The following PARVB variants were observed in gnomAD, a reference collection of about 807,000 sequenced individuals.
PARVB encodes beta-parvin.
PARVB carries 46 observed loss-of-function variants against 47.0 expected under a neutral mutation model. The observed-to-expected ratio is 0.98, with a 90% CI of 0.77 to 1.25. The LOEUF (loss-of-function observed/expected upper bound fraction) is 1.25. Ranked by LOEUF, PARVB falls within the 50% of genes most tolerant of loss-of-function variation. The probability of loss-of-function intolerance (pLI) is 0.00; values close to 1 mark genes in which losing one functional copy is unlikely to be tolerated. For missense variants in PARVB, 473 were observed against 471.6 expected (o/e 1.00, Z -0.03); for synonymous variants, 196 against 196.3 (o/e 1.00, Z 0.01).
intron 2 of PARVB, among the ~76,000 whole-genome samples, chr22:44,094,960 G>C (rs754029835): frequency 6.6e-6 from 1 of 151,396 alleles, no homozygotes; most frequent in African/African-American, 2.4e-5. Context: ...GGCGTGGTAT[G>C]GTGTGGCGTG....
chr22:44,131,537 A>G lies in PARVB; in HGVS notation c.427A>G (p.Ile143Val). 6.2e-7 allele frequency: 1 copy of G among 1,614,132 alleles called. No homozygotes were observed. Among genetic ancestry groups the G allele is most frequent in the African/African-American group, 1.3e-5 (1 of 75,032 alleles). The change falls in exon 5 of 13, where the codon ATA becomes GTA. Residue 143 changes from isoleucine (I) to valine (V), a missense_variant. By Grantham distance (29) the Ile-to-Val change is conservative (BLOSUM62 3). Transcript: ENST00000338758. ...TGTGGCTGAGGTGACACAGTCCGAA[A>G]TAGGGCAGAAACAGAAGCTGCAGAC... ...LNVAEVTQSE[I>V]GQKQKLQTVL...
At chr22:44,065,698 C>G (rs541981138) in intron 1 of PARVB, among the ~76,000 whole-genome samples, 1 of 152,338 alleles carries the variant, frequency 6.6e-6, no homozygotes, top group South Asian at 2.1e-4. Context: ...TAGCTTAGCT[C>G]CTGCTTCTGA....
intron 2 of PARVB, among the ~76,000 whole-genome samples, chr22:44,094,363 T>TGCCACGCCAC (rs561536069): frequency 1.3e-5 from 2 of 151,542 alleles, no homozygotes; most frequent in African/African-American, 2.4e-5. Context: ...TGCCACGCCA[T>TGCCACGCCAC]GCCACGCCAC....
intron 1 of PARVB, among the ~76,000 whole-genome samples, chr22:44,072,090 G>A (rs1423529055): frequency 4.6e-5 from 7 of 152,230 alleles, no homozygotes; most frequent in African/African-American, 7.2e-5. Context: ...GGGTGGAAAG[G>A]ACTTTGTAAT....
chr22:44,043,369 CTTAT>C lies in PARVB; in HGVS notation c.112+18941_112+18944del, dbSNP rs752316790. On this transcript the variant is annotated intron_variant, in intron 1 of 12. Coordinates refer to ENST00000338758, the MANE Select transcript of PARVB (RefSeq NM_013327.5). Reference sequence around the variant, plus strand: ...TTACTAAAAATCATTGAATTGTACACTTATTTATTTATTTATTTATTTATTTTGA... The same window carrying C: ...TTACTAAAAATCATTGAATTGTACACTTATTTATTTATTTATTTATTTTGA... 2.7e-4 allele frequency among the ~76,000 whole-genome samples: 41 copies of C among 151,642 alleles called. 1 individual carries two copies. Among genetic ancestry groups the C allele is most frequent in the Non-Finnish European group, 5.2e-4 (35 of 67,818 alleles).
chr22:44,139,967 A>T (rs1476499815), intron 7 of PARVB, 157 bp from the exon 8 acceptor site: 15 of 356,792 alleles, frequency 4.2e-5, no homozygotes, highest in Non-Finnish European at 7.3e-5. Context: ...GCTGGAACAC[A>T]GCACCATGTG....
rs563916166 is a variant in PARVB, at chr22:44,125,164, T to A, written c.376+6024T>A. Among the ~76,000 whole-genome samples, 21 of 152,254 alleles carry A rather than the reference T, an allele frequency of 1.4e-4. No individual in the cohort carries two copies. The highest frequency in any genetic ancestry group is 5.1e-4 in the African/African-American group (21 of 41,548). Reference sequence around the variant, plus strand: ...TTGTTTGTCCTTATTCATCTGGCCCTCAGAAAGTATATTTGGAGGGAAACA... The same window carrying A: ...TTGTTTGTCCTTATTCATCTGGCCCACAGAAAGTATATTTGGAGGGAAACA... On this transcript the variant is annotated intron_variant, in intron 4 of 12. Transcript: ENST00000338758. This position sits in a 1 kb window ranked among gnomAD's most constrained non-coding sequence, Gnocchi z 4.1.
rs1044591005 is a variant in PARVB, at chr22:44,003,641, A to G, written c.211+3968A>G. Among the ~76,000 whole-genome samples the G allele has an allele frequency of 1.3e-5, 2 of 152,146 alleles. 1 individual carries two copies. Among genetic ancestry groups the G allele is most frequent in the Middle Eastern group, 6.3e-3 (2 of 316 alleles). On this transcript the variant is annotated intron_variant, in intron 2 of 13. Coordinates refer to the PARVB transcript ENST00000406477. Reference sequence around the variant, plus strand: ...GTCCTAGCCTTTCCTGTCTGTCTGAAAACTGCTCTTCCAGGGGTGGGGAGC... The same window carrying G: ...GTCCTAGCCTTTCCTGTCTGTCTGAGAACTGCTCTTCCAGGGGTGGGGAGC...
chr22:44,003,204 G>T (rs534980897), intron 2 of PARVB, among the ~76,000 whole-genome samples: 1 of 152,276 alleles, frequency 6.6e-6, no homozygotes, highest in South Asian at 2.1e-4. Context: ...GGATCCATCC[G>T]TTACTGTGAA....
At chr22:44,045,056 T>C (rs989590319) in intron 1 of PARVB, among the ~76,000 whole-genome samples, 1 of 151,996 alleles carries the variant, frequency 6.6e-6, no homozygotes, top group African/African-American at 2.4e-5. Flanking sequence ...CTGGTCAACA[T>C]AGCAAGACCC....
Position 44,122,552 on chromosome 22 carries a change from G to C in PARVB, c.376+3412G>C, listed in dbSNP as rs1473180064. ...ACAGAGAGAGAGAGAGAGAGAGAGA[G>C]ACACAGAGACAGAGAGAGAGAGAGA... On this transcript the variant is annotated intron_variant, in intron 4 of 12. Transcript: ENST00000338758. Among the ~76,000 whole-genome samples the C allele has an allele frequency of 5.9e-4, 42 of 71,614 alleles. 2 individuals carry two copies. The East Asian group carries it at 7.2e-3, about 12-fold the overall frequency. The allele number at this position is 71,614 out of a possible 152,430, so 47.0% of individuals were successfully genotyped here. A position where few individuals can be genotyped will look rare whatever the true frequency, so the allele number is the denominator to read the frequency against.
chr22:44,145,390 G>A (rs1007796956), intron 8 of PARVB: 1 of 152,222 alleles, frequency 6.6e-6, no homozygotes, highest in African/African-American at 2.4e-5. Context: ...GGTCAGGGTG[G>A]TCCCTGGGGA....
rs1194097138 is a variant in PARVB, at chr22:44,060,956, A to G, written c.113-32972A>G. Among the ~76,000 whole-genome samples the G allele has an allele frequency of 2.0e-5, 3 of 152,254 alleles. No homozygotes were observed. In the East Asian group the frequency reaches 5.8e-4, roughly 29 times the overall value. On this transcript the variant is annotated intron_variant, in intron 1 of 12. Coordinates refer to ENST00000338758, the MANE Select transcript of PARVB (RefSeq NM_013327.5). ...TTTTCTTATATATGTTTCTTTTTAA[A>G]GATACGTTATTTAAAATGTATTGTT...
intron 9 of PARVB, chr22:44,150,915 C>G (rs896150938): frequency 1.7e-4 from 25 of 150,588 alleles, no homozygotes; most frequent in African/African-American, 5.9e-4. Context: ...CCCAGCTACT[C>G]GGGAGGCTGA....
rs1260863715 is a variant in PARVB, at chr22:44,068,489, C to T, written c.113-25439C>T. ...GGACCTTCCTTTGGGGAAGTGAGTG[C>T]TCCCGAGAGCAGCCTGCCGCCTCCG... On this transcript the variant is annotated intron_variant, in intron 1 of 12. Coordinates refer to ENST00000338758, the MANE Select transcript of PARVB (RefSeq NM_013327.5). This position sits in a 1 kb window ranked among gnomAD's most constrained non-coding sequence, Gnocchi z 4.1. Among the ~76,000 whole-genome samples the T allele has an allele frequency of 1.5e-4, 23 of 152,208 alleles. No individual in the cohort carries two copies. Among genetic ancestry groups the T allele is most frequent in the Admixed American group, 1.5e-3 (23 of 15,286 alleles).
chr22:44,052,732 C>T (rs2051233588), intron 1 of PARVB, among the ~76,000 whole-genome samples: 1 of 152,124 alleles, frequency 6.6e-6, no homozygotes, highest in Non-Finnish European at 1.5e-5. Context: ...TGCTTGAGCC[C>T]AGGAGTTCAA....
At chr22:44,041,548 T>G (rs1405125373) in intron 1 of PARVB, among the ~76,000 whole-genome samples, 1 of 152,080 alleles carries the variant, frequency 6.6e-6, no homozygotes, top group African/African-American at 2.4e-5. Flanking sequence ...AAACTTTTAA[T>G]AATGAAATAC....
At position 44,049,820 on chromosome 22, in the gene PARVB, G is replaced by C. The variant is rs1370106410; in HGVS notation, c.112+25369G>C. ...TTGGGGGCTCAGCCATCTGGCACAT[G>C]GAGTGAGTAGGTTTTATTGCCAAAG... On this transcript the variant is annotated intron_variant, in intron 1 of 12. Transcript: ENST00000338758. This position sits in a 1 kb window ranked among gnomAD's most constrained non-coding sequence, Gnocchi z 4.0. Among the ~76,000 whole-genome samples the C allele has an allele frequency of 6.6e-6, 1 of 152,264 alleles. No homozygotes were observed. Among genetic ancestry groups the C allele is most frequent in the East Asian group, 1.9e-4 (1 of 5,198 alleles).
intron 10 of PARVB, among the ~76,000 whole-genome samples, chr22:44,157,146 C>T (rs1235757480): frequency 2.0e-5 from 3 of 152,196 alleles, no homozygotes; most frequent in Non-Finnish European, 4.4e-5. Flanking sequence ...CCAGAGGCCC[C>T]CTGGAGAATG....
Sources: allele counts gnomAD v4.1 joint callset (sites outside exome capture counted in the v4.1 genomes callset), GRCh38; gene constraint gnomAD v4.1.1; non-coding constraint Gnocchi (gnomAD v3.1); transcripts MANE v1.5; gene names NCBI Gene and HGNC (gene_info 2026-07-23, HGNC 2026-07-21).